KCNK10: variants seen among roughly 807,000 people sequenced by gnomAD.
The protein encoded by KCNK10 is potassium channel subfamily K member 10.
In KCNK10, 25 loss-of-function variants were observed where a neutral mutation model predicts 47.7. That is an observed-to-expected ratio of 0.52 (90% CI 0.38 to 0.73). KCNK10 has a LOEUF of 0.73. KCNK10 is among the 30% of genes least tolerant of loss of function. KCNK10 has a pLI of 0.00. For missense variants in KCNK10, 563 were observed against 714.5 expected, an observed-to-expected ratio of 0.79 and a Z score of 2.42; for synonymous variants, 303 against 285.6, an observed-to-expected ratio of 1.06 and a Z score of -0.61.
upstream of KCNK10, among the ~76,000 whole-genome samples, chr14:88,324,350 T>C (rs995004028): frequency 2.6e-5 from 4 of 152,208 alleles, no homozygotes; most frequent in Admixed American, 2.6e-4. Flanking sequence ...TCAACATGAA[T>C]GATGCTGACA....
In KCNK10 at chr14:88,182,084, A is replaced by T. The variant is rs1049286113; in HGVS notation, c.*3451T>A. ...CACACACACACACACACACACACAC[A>T]CTCTATACAGCCCTGCCCCAAAGTG... On this transcript the variant is annotated 3_prime_UTR_variant, in exon 7 of 7. Coordinates refer to ENST00000319231, the MANE Select transcript of KCNK10 (RefSeq NM_138317.3). 181 of 124,382 alleles carry T rather than the reference A, an allele frequency of 1.5e-3. 1 individual carries two copies. The highest frequency in any genetic ancestry group is 4.1e-3 in the South Asian group (16 of 3,890). The allele number at this position is 124,382 out of a possible 1,614,324, so 7.7% of individuals were successfully genotyped here.
At chr14:88,240,188 C>A (rs1426504721) in intron 3 of KCNK10, among the ~76,000 whole-genome samples, 1 of 151,388 alleles carries the variant, frequency 6.6e-6, no homozygotes, top group Non-Finnish European at 1.5e-5. Context: ...AATGGAAAGT[C>A]AAAAAAAATC....
intron 6 of KCNK10, 143 bp downstream of exon 6, chr14:88,187,823 AC>A: frequency 1.4e-6 from 1 of 739,370 alleles, no homozygotes; most frequent in Non-Finnish European, 2.3e-6. Context: ...GACTGATTCA[AC>A]ATGAGGAAGC....
rs878911675 is a variant in KCNK10 at position 88,182,036 on chromosome 14, G to GCGCACACACACACACACACACACACA, written c.*3498_*3499insTGTGTGTGTGTGTGTGTGTGTGTGCG. ...AGATGGCCCAACACCACCCCAACCC[G>GCGCACACACACACACACACACACACA]CACACACACACACACACACACACAC... On this transcript the variant is annotated 3_prime_UTR_variant, in exon 7 of 7. Coordinates refer to ENST00000319231, the MANE Select transcript of KCNK10 (RefSeq NM_138317.3). The GCGCACACACACACACACACACACACA allele has an allele frequency of 7.3e-6, 1 of 137,058 alleles. No individual in the cohort carries two copies. The highest frequency in any genetic ancestry group is 1.6e-5 in the Non-Finnish European group (1 of 63,722). The allele number at this position is 137,058 out of a possible 1,614,324, so 8.5% of individuals were successfully genotyped here.
intron 4 of KCNK10, among the ~76,000 whole-genome samples, chr14:88,205,559 T>C (rs1415965320): frequency 1.4e-5 from 2 of 147,884 alleles, no homozygotes; most frequent in African/African-American, 5.0e-5. Context: ...TTTTTTTTTT[T>C]TTTGAGATGG....
intron 3 of KCNK10, among the ~76,000 whole-genome samples, chr14:88,233,554 T>C (rs1458143805): frequency 2.0e-5 from 3 of 152,180 alleles, no homozygotes; most frequent in Non-Finnish European, 2.9e-5. Flanking sequence ...AATGAGGACA[T>C]GGGTGAGTAA....
rs1887070853 is a variant in KCNK10 at position 88,260,150 on chromosome 14, C to T, written c.402+3052G>A. Among the ~76,000 whole-genome samples, 1 of 152,070 alleles carries T rather than the reference C, an allele frequency of 6.6e-6. No homozygotes were observed. The highest frequency in any genetic ancestry group is 1.9e-4 in the East Asian group (1 of 5,186). ...TAGAGATGGGGTTTCACCATGTTGG[C>T]CAGGTTGGTCTCGAACTCCTGATCT... On this transcript the variant is annotated intron_variant, in intron 2 of 6. Transcript: ENST00000319231. The surrounding 1 kb of genome is among the most constrained non-coding windows in gnomAD (Gnocchi z 4.5).
chr14:88,193,968 G>T (rs891418436), intron 4 of KCNK10, among the ~76,000 whole-genome samples: 1 of 152,264 alleles, frequency 6.6e-6, no homozygotes, highest in South Asian at 2.1e-4. Flanking sequence ...GTCACCGGGT[G>T]ATCTGTCCAG....
At chr14:88,326,309 A>T, upstream of KCNK10, 1 of 839,860 alleles carries the variant, frequency 1.2e-6, no homozygotes, top group Non-Finnish European at 2.0e-6. Flanking sequence ...TGGAGTGGGG[A>T]TGGAGGGAGA....
intron 4 of KCNK10, among the ~76,000 whole-genome samples, chr14:88,198,436 T>C (rs976275606): frequency 6.6e-6 from 1 of 152,194 alleles, no homozygotes. Context: ...AGCAGCATGA[T>C]GAACAATGCC....
At chr14:88,289,041 A>G (rs1166565644) in intron 1 of KCNK10, among the ~76,000 whole-genome samples, 1 of 152,076 alleles carries the variant, frequency 6.6e-6, no homozygotes, top group Non-Finnish European at 1.5e-5. Flanking sequence ...TAAACTTCCC[A>G]TCTAGAATAT....
rs1886440553 is a variant in KCNK10 at position 88,240,876 on chromosome 14, T to C, written c.403-56A>G. Reference sequence around the variant, plus strand: ...AGTTTAAAAGTTGTTTATTTTTTTTTTCTTCAAAAAAAAAAAAGGTTCCAA... The same window carrying C: ...AGTTTAAAAGTTGTTTATTTTTTTTCTCTTCAAAAAAAAAAAAGGTTCCAA... On this transcript the variant is annotated intron_variant, in intron 2 of 6. Transcript: ENST00000319231. 3 of 1,152,972 alleles carry C rather than the reference T, an allele frequency of 2.6e-6. No homozygotes were observed. The South Asian group carries it at 4.0e-5, about 15-fold the overall frequency. 71.4% of individuals were successfully genotyped at this position (1,152,972 alleles called of 1,614,324 possible). A position where few individuals can be genotyped will look rare whatever the true frequency, so the allele number is the denominator to read the frequency against.
intron 4 of KCNK10, among the ~76,000 whole-genome samples, chr14:88,217,727 A>ATC (rs1410406649): frequency 8.3e-6 from 1 of 120,286 alleles, no homozygotes; most frequent in Non-Finnish European, 1.7e-5. Flanking sequence ...AGTAATTTGA[A>ATC]TCTTTTTTTT....
intron 3 of KCNK10, among the ~76,000 whole-genome samples, chr14:88,239,385 T>C (rs1310944934): frequency 6.6e-6 from 1 of 152,210 alleles, no homozygotes; most frequent in Non-Finnish European, 1.5e-5. Flanking sequence ...AGTTATCATT[T>C]AAAGCTGGCA....
At position 88,249,558 on chromosome 14, in the gene KCNK10, C is replaced by G. The variant is rs544404555; in HGVS notation, c.403-8738G>C. ...GAACCAATCTAGTAACCAATAGCTA[C>G]TGGGCTGTAACTATCCACTAGAGTA... On this transcript the variant is annotated intron_variant, in intron 2 of 6. Coordinates refer to ENST00000319231, the MANE Select transcript of KCNK10 (RefSeq NM_138317.3). 8.5e-5 allele frequency among the ~76,000 whole-genome samples: 13 copies of G among 152,292 alleles called. 1 individual carries two copies. The South Asian group carries it at 2.7e-3, about 32-fold the overall frequency.
At chr14:88,200,646 A>C in intron 4 of KCNK10, among the ~76,000 whole-genome samples, 1 of 152,262 alleles carries the variant, frequency 6.6e-6, no homozygotes, top group South Asian at 2.1e-4. Flanking sequence ...CCTACAAATG[A>C]GAAAATTCCT....
intron 3 of KCNK10, among the ~76,000 whole-genome samples, chr14:88,237,032 T>C (rs1176625015): frequency 6.6e-6 from 1 of 152,194 alleles, no homozygotes; most frequent in Non-Finnish European, 1.5e-5. Context: ...TTAGATAGCA[T>C]TTTACCTACA....
chr14:88,274,868 C>T (rs114948474), intron 1 of KCNK10, among the ~76,000 whole-genome samples: 6 of 152,164 alleles, frequency 3.9e-5, no homozygotes, highest in Admixed American at 6.5e-5. Context: ...CACCCACCAC[C>T]GGGTCTGAAG....
chr14:88,193,416 T>G (rs150643613), intron 4 of KCNK10, among the ~76,000 whole-genome samples: 1,761 of 152,286 alleles, frequency 0.012, 32 homozygotes, highest in Non-Finnish European at 0.012. Flanking sequence ...TGGAATTGAC[T>G]CTAAGCTGAA....
Sources: gnomAD v4.1 joint callset for allele counts (sites outside exome capture counted in the v4.1 genomes callset) on GRCh38, gnomAD v4.1.1 for gene constraint, Gnocchi (gnomAD v3.1) non-coding constraint, MANE v1.5 for transcripts, NCBI Gene and HGNC (gene_info 2026-07-23, HGNC 2026-07-21) for gene names.